Variants in TM2D1 observed in about 807,000 individuals in gnomAD.
TM2D1 encodes the protein TM2 domain containing 1.
Under a neutral mutation model 28.4 loss-of-function variants are expected in TM2D1, and 15 were observed. That is an observed-to-expected ratio of 0.53 (90% CI 0.35 to 0.81). The LOEUF is 0.81. Among genes scored for constraint, TM2D1 ranks in the 40% least tolerant of loss-of-function variants. The probability of loss-of-function intolerance (pLI) is 0.01; values close to 1 mark genes in which losing one functional copy is unlikely to be tolerated. For synonymous variants in TM2D1, 93 were observed against 96.2 expected (o/e 0.97, Z 0.20); for missense variants, 236 against 254.9 (o/e 0.93, Z 0.50).
At position 61,716,097 on chromosome 1, in the gene TM2D1, G is replaced by A. The variant is rs370620346; in HGVS notation, c.239-6660C>T. Among the ~76,000 whole-genome samples, 41 of 151,398 alleles carry A rather than the reference G, an allele frequency of 2.7e-4. No individual in the cohort carries two copies. In the Middle Eastern group the frequency reaches 0.01, roughly 38 times the overall value. Reference sequence around the variant, plus strand: ...TGGGATTACAGGCATGAGCCACCACGCCCAGCCGAGCCCAGGAATTTAAGA... The same window carrying A: ...TGGGATTACAGGCATGAGCCACCACACCCAGCCGAGCCCAGGAATTTAAGA... On this transcript the variant is annotated intron_variant, in intron 2 of 6. Coordinates refer to ENST00000606498, the MANE Select transcript of TM2D1 (RefSeq NM_032027.3).
chr1:61,722,840 A>C (rs1357605378), intron 2 of TM2D1, among the ~76,000 whole-genome samples: 1 of 152,242 alleles, frequency 6.6e-6, no homozygotes. Flanking sequence ...TTCATATGAA[A>C]GATGCTAGAA....
intron 5 of TM2D1, among the ~76,000 whole-genome samples, chr1:61,690,133 T>C (rs889533774): frequency 6.6e-6 from 1 of 152,094 alleles, no homozygotes; most frequent in Admixed American, 6.5e-5. Flanking sequence ...CCTCCAGAAC[T>C]ATAAGAAGTA....
At chr1:61,692,600 A>G (rs913743442) in intron 5 of TM2D1, among the ~76,000 whole-genome samples, 1 of 152,094 alleles carries the variant, frequency 6.6e-6, no homozygotes, top group Non-Finnish European at 1.5e-5. Flanking sequence ...AAAATAAACA[A>G]AAAGATGAGC....
chr1:61,701,292 G>GAA (rs1219128645), intron 3 of TM2D1, among the ~76,000 whole-genome samples: 39 of 51,102 alleles, frequency 7.6e-4, no homozygotes, highest in African/African-American at 2.6e-3. Context: ...TACTATGTTA[G>GAA]AAAGTCATAA....
In TM2D1 at chr1:61,721,498, CGCCACT is replaced by C. The variant is rs574330903; in HGVS notation, c.238+2209_238+2214del. On this transcript the variant is annotated intron_variant, in intron 2 of 6. Coordinates refer to ENST00000606498, the MANE Select transcript of TM2D1 (RefSeq NM_032027.3). ...CAGAGGTTGCAATGAGCTGAGATTG[CGCCACT>C]GCACTCCAGCCTGAGCGACAGAGTG... Among the ~76,000 whole-genome samples, 66 of 147,248 alleles carry C rather than the reference CGCCACT, an allele frequency of 4.5e-4. 2 individuals are homozygous for C. The South Asian group carries it at 0.013, about 30-fold the overall frequency.
chr1:61,691,921 TAAA>T (rs1316880566), intron 5 of TM2D1, among the ~76,000 whole-genome samples: 1 of 62,052 alleles, frequency 1.6e-5, no homozygotes, highest in East Asian at 6.9e-4. Flanking sequence ...AAAAAAAACT[TAAA>T]AAAAAAAAAT....
In TM2D1 at chr1:61,694,740, C is replaced by A; in HGVS notation, c.470G>T (p.Cys157Phe). Residue 157 changes from cysteine to phenylalanine, a missense_variant, in exon 5 of 7, where the codon TGT becomes TTT. Physicochemically the swap from Cys to Phe is radical, Grantham distance 205. Coordinates refer to ENST00000606498, the MANE Select transcript of TM2D1 (RefSeq NM_032027.3). ...GLLKFCTVGFCGIGSLIDFIL... is the reference protein window; with the variant it reads ...GLLKFCTVGFFGIGSLIDFIL... ...GAAATCAATTAGGCTCCCAATTCCA[C>A]AAAACCCTACAGTGCAAAACTTTAA... 1 of 1,608,182 alleles carries A rather than the reference C, an allele frequency of 6.2e-7. No homozygotes were observed. Among genetic ancestry groups the A allele is most frequent in the South Asian group, 1.1e-5 (1 of 89,612 alleles).
chr1:61,709,190 A>G (rs1644460387), intron 3 of TM2D1, 139 bp downstream of exon 3: 1 of 605,230 alleles, frequency 1.7e-6, no homozygotes. Context: ...AACACTTAAA[A>G]TAAAGGTTTT....
chr1:61,690,481 A>AC (rs1450405854), intron 5 of TM2D1, among the ~76,000 whole-genome samples: 2 of 120,778 alleles, frequency 1.7e-5, no homozygotes, highest in Admixed American at 8.3e-5. Flanking sequence ...AAAAAAAAAA[A>AC]CACAAAACAA....
intron 2 of TM2D1, among the ~76,000 whole-genome samples, chr1:61,720,887 A>T (rs1453252447): frequency 6.6e-6 from 1 of 152,038 alleles, no homozygotes; most frequent in Admixed American, 6.6e-5. Context: ...CCCCTCTGTA[A>T]AACACTGCTC....
intron 5 of TM2D1, among the ~76,000 whole-genome samples, chr1:61,693,719 C>T (rs1219926141): frequency 1.3e-5 from 2 of 152,096 alleles, no homozygotes; most frequent in Non-Finnish European, 2.9e-5. Context: ...TCTTTTAAAG[C>T]ATAATGATAA....
rs757330182 is a variant in TM2D1, at chr1:61,683,416, C to G, written c.*19+1G>C. 1 of 960,466 alleles carries G rather than the reference C, an allele frequency of 1.0e-6. No homozygotes were observed. Among genetic ancestry groups the G allele is most frequent in the East Asian group, 2.8e-5 (1 of 35,684 alleles). 59.5% of individuals were successfully genotyped at this position (960,466 alleles called of 1,614,324 possible). A position where few individuals can be genotyped will look rare whatever the true frequency, so the allele number is the denominator to read the frequency against. On this transcript the variant is annotated splice_donor_variant, in intron 6 of 6. Transcript: ENST00000606498. LOFTEE classifies it low-confidence loss of function (3UTR_SPLICE). ...ATTACATATATATATATATCACTTACTGTTTCTTTTAAAAAATATTTATGG... is the reference window on the plus strand; with the variant it reads ...ATTACATATATATATATATCACTTAGTGTTTCTTTTAAAAAATATTTATGG...
chr1:61,682,572 G>GT (rs1644252636), intron 6 of TM2D1, among the ~76,000 whole-genome samples: 1 of 152,126 alleles, frequency 6.6e-6, no homozygotes, highest in Admixed American at 6.6e-5. Flanking sequence ...AAAAAGGATG[G>GT]TATCTCTGAC....
chr1:61,712,201 CT>C (rs1644483742), intron 2 of TM2D1, among the ~76,000 whole-genome samples: 3 of 152,090 alleles, frequency 2.0e-5, no homozygotes, highest in African/African-American at 7.2e-5. Context: ...ACAAGATAGC[CT>C]CCCCACAACA....
intron 2 of TM2D1, among the ~76,000 whole-genome samples, chr1:61,711,404 C>A (rs1644478464): frequency 6.6e-6 from 1 of 151,446 alleles, no homozygotes; most frequent in South Asian, 2.1e-4. Context: ...AATCCCAGCA[C>A]TTTGGGATAT....
intron 5 of TM2D1, among the ~76,000 whole-genome samples, chr1:61,687,558 A>G (rs888393509): frequency 1.1e-4 from 17 of 152,180 alleles, no homozygotes; most frequent in African/African-American, 4.1e-4. Flanking sequence ...AATAAAGGAA[A>G]AAAAATGTGG....
intron 3 of TM2D1, among the ~76,000 whole-genome samples, chr1:61,705,798 C>T (rs2148053527): frequency 6.6e-6 from 1 of 152,184 alleles, no homozygotes; most frequent in Admixed American, 6.5e-5. Flanking sequence ...CCAAATGAAG[C>T]AATGATGTAA....
intron 5 of TM2D1, among the ~76,000 whole-genome samples, chr1:61,692,901 A>G (rs1001853846): frequency 6.6e-6 from 1 of 152,126 alleles, no homozygotes; most frequent in Non-Finnish European, 1.5e-5. Context: ...TCTACACCTC[A>G]ATAATTTCTT....
rs1250670470 is a variant in TM2D1, at chr1:61,725,079, G to A, written c.42C>T (p.Ala14=). Residue 14 remains alanine, a synonymous_variant, in exon 1 of 7, where the codon GCC becomes GCT. Coordinates refer to ENST00000606498, the MANE Select transcript of TM2D1 (RefSeq NM_032027.3). The part of the protein sequence containing the change: ...AWPSGPSAPE[A]VTARLVGVLW... ...GGACACCAACGAGTCTGGCCGTCACGGCCTCCGGAGCAGACGGACCAGACG... is the reference window on the plus strand; with the variant it reads ...GGACACCAACGAGTCTGGCCGTCACAGCCTCCGGAGCAGACGGACCAGACG... The A allele has an allele frequency of 1.9e-6, 3 of 1,613,820 alleles. No homozygotes were observed. The South Asian group carries it at 3.3e-5, about 18-fold the overall frequency.
Sources: allele counts gnomAD v4.1 joint callset (sites outside exome capture counted in the v4.1 genomes callset), GRCh38; gene constraint gnomAD v4.1.1; transcripts MANE v1.5; gene names NCBI Gene and HGNC (gene_info 2026-07-23, HGNC 2026-07-21).